PKIG: variants seen among roughly 807,000 people sequenced by gnomAD.
PKIG encodes protein kinase (cAMP-dependent, catalytic) inhibitor gamma.
In PKIG, 1 loss-of-function variant was observed where a neutral mutation model predicts 6.8. The observed-to-expected ratio is 0.15, with a 90% CI of 0.05 to 0.69. The LOEUF (loss-of-function observed/expected upper bound fraction) is 0.69, where lower values mean the gene tolerates loss of function less well. Ranked by LOEUF, PKIG falls within the 30% of genes least tolerant of loss-of-function variation. PKIG has a pLI of 0.82. For synonymous variants in PKIG, 39 were observed against 43.0 expected (o/e 0.91, Z 0.36); for missense variants, 77 against 104.0 (o/e 0.74, Z 1.13).
At chr20:44,591,433 A>G (rs1250961763) in intron 2 of PKIG, among the ~76,000 whole-genome samples, 1 of 152,110 alleles carries the variant, frequency 6.6e-6, no homozygotes, top group African/African-American at 2.4e-5. Flanking sequence ...AGTTTGGGTA[A>G]GGGACTGAGA....
At chr20:44,587,325 C>T (rs542234780) in intron 1 of PKIG, among the ~76,000 whole-genome samples, 2 of 152,350 alleles carry the variant, frequency 1.3e-5, no homozygotes, top group South Asian at 4.1e-4. Context: ...TCTGCTCTCT[C>T]CCTACAATTC....
intron 2 of PKIG, among the ~76,000 whole-genome samples, chr20:44,613,068 T>C (rs912238907): frequency 6.6e-6 from 1 of 152,224 alleles, no homozygotes; most frequent in African/African-American, 2.4e-5. Context: ...TGTATGTGGC[T>C]CTTCTTTATA....
intron 3 of PKIG, 97 bp from the exon 4 acceptor site, chr20:44,618,188 T>G: frequency 1.2e-6 from 1 of 803,550 alleles, no homozygotes. Context: ...CCAGGGCATA[T>G]CCACTGCTAT....
intron 1 of PKIG, among the ~76,000 whole-genome samples, chr20:44,537,665 C>T (rs1310598027): frequency 6.6e-6 from 1 of 151,672 alleles, no homozygotes; most frequent in Non-Finnish European, 1.5e-5. Flanking sequence ...GCACCCTTCG[C>T]CTTTGAGGTT....
chr20:44,571,832 G>A (rs942275216), intron 1 of PKIG, among the ~76,000 whole-genome samples: 7 of 152,204 alleles, frequency 4.6e-5, no homozygotes, highest in East Asian at 1.9e-4. Flanking sequence ...GGGGCAATGG[G>A]CATTGGTGAA....
intron 1 of PKIG, among the ~76,000 whole-genome samples, chr20:44,540,692 C>T (rs929102775): frequency 1.2e-4 from 19 of 152,142 alleles, no homozygotes; most frequent in African/African-American, 4.6e-4. Flanking sequence ...ATTCTCCTGC[C>T]TCGGCCTCCT....
intron 1 of PKIG, among the ~76,000 whole-genome samples, chr20:44,543,057 G>A (rs925062563): frequency 6.6e-6 from 1 of 152,226 alleles, no homozygotes. Context: ...GGTTAGGAAT[G>A]AGGCCCTAGA....
intron 1 of PKIG, among the ~76,000 whole-genome samples, chr20:44,574,281 T>C (rs1178408898): frequency 6.6e-6 from 1 of 152,230 alleles, no homozygotes; most frequent in African/African-American, 2.4e-5. Flanking sequence ...ACACTTTTGA[T>C]CCTTTTAGGC....
intron 2 of PKIG, among the ~76,000 whole-genome samples, chr20:44,593,270 G>C (rs1287206196): frequency 6.6e-6 from 1 of 151,752 alleles, no homozygotes; most frequent in African/African-American, 2.4e-5. Flanking sequence ...TCGCATCAAG[G>C]CTGCAGTGAG....
upstream of PKIG, among the ~76,000 whole-genome samples, chr20:44,578,328 C>CA (rs3092061): frequency 0.016 from 1,424 of 87,110 alleles, 13 homozygotes; most frequent in Non-Finnish European, 0.024. Flanking sequence ...GACTCCATCT[C>CA]AAAAAAAAAA....
intron 1 of PKIG, among the ~76,000 whole-genome samples, chr20:44,563,401 G>T (rs1230975667): frequency 6.6e-6 from 1 of 151,942 alleles, no homozygotes; most frequent in Non-Finnish European, 1.5e-5. Context: ...AGATTCTGTG[G>T]GTCGGAAGTT....
At chr20:44,585,215 A>G (rs1856667155) in intron 1 of PKIG, 1 of 152,368 alleles carries the variant, frequency 6.6e-6, no homozygotes, top group African/African-American at 2.4e-5. Flanking sequence ...GTAGGCCTTC[A>G]TGTACCAGAT....
Position 44,614,681 on chromosome 20 carries a change from T to A in PKIG, c.125T>A (p.Met42Lys). ...AGCGTGAGGAAGCTGGCTGGAGACA[T>A]GGGCGAGCTGGCACTCGAGGGGGCA... ...AVSVRKLAGD[M>K]GELALEGAEG... Residue 42 changes from methionine (M) to lysine (K), a missense_variant, in exon 3 of 4, where the codon ATG becomes AAG. Transcript: ENST00000372886. This position sits in a 1 kb window ranked among gnomAD's most constrained non-coding sequence, Gnocchi z 4.6. The A allele has an allele frequency of 1.2e-6, 2 of 1,613,852 alleles. No homozygotes were observed. Among genetic ancestry groups the A allele is most frequent in the Non-Finnish European group, 1.7e-6 (2 of 1,180,004 alleles).
At chr20:44,611,116 G>A (rs1251827897) in intron 2 of PKIG, among the ~76,000 whole-genome samples, 2 of 149,408 alleles carry the variant, frequency 1.3e-5, no homozygotes, top group African/African-American at 2.5e-5. Flanking sequence ...GTGCAGTGGC[G>A]TGATCTCAGC....
chr20:44,606,079 A>G (rs1039419142), intron 2 of PKIG, among the ~76,000 whole-genome samples: 4 of 152,264 alleles, frequency 2.6e-5, no homozygotes, highest in Admixed American at 6.5e-5. Flanking sequence ...AAATAAAGTC[A>G]AAGTACAAAT....
At chr20:44,567,551 T>C (rs958867083) in intron 1 of PKIG, among the ~76,000 whole-genome samples, 3 of 152,254 alleles carry the variant, frequency 2.0e-5, no homozygotes, top group Non-Finnish European at 2.9e-5. Flanking sequence ...GCCATTCCTA[T>C]CATCAGGTGG....
At chr20:44,607,936 C>T (rs2065181580) in intron 2 of PKIG, among the ~76,000 whole-genome samples, 1 of 152,014 alleles carries the variant, frequency 6.6e-6, no homozygotes, top group African/African-American at 2.4e-5. Flanking sequence ...CACACCCACC[C>T]CCCGCCGCCT....
chr20:44,596,557 C>T (rs1253038657), intron 2 of PKIG, among the ~76,000 whole-genome samples: 1 of 152,244 alleles, frequency 6.6e-6, no homozygotes, highest in Non-Finnish European at 1.5e-5. Flanking sequence ...GGCTTGCAAA[C>T]ATGTTGCTCT....
intron 1 of PKIG, among the ~76,000 whole-genome samples, chr20:44,571,704 GT>G (rs1555836424): frequency 6.6e-6 from 1 of 152,236 alleles, no homozygotes; most frequent in Non-Finnish European, 1.5e-5. Context: ...GGGTAGACTG[GT>G]TTTTCCAAAC....
Sources: gnomAD v4.1 joint callset for allele counts (sites outside exome capture counted in the v4.1 genomes callset) on GRCh38, gnomAD v4.1.1 for gene constraint, Gnocchi (gnomAD v3.1) non-coding constraint, MANE v1.5 for transcripts, NCBI Gene and HGNC (gene_info 2026-07-23, HGNC 2026-07-21) for gene names.